Variants in RCBTB2 observed in about 807,000 individuals in gnomAD.
RCBTB2 encodes the protein RCC1 and BTB domain containing protein 2.
A neutral mutation model predicts 65.4 loss-of-function variants in RCBTB2; 55 were observed. The observed-to-expected ratio is 0.84, with a 90% CI of 0.68 to 1.05. RCBTB2 has a LOEUF of 1.05. Among genes scored for constraint, RCBTB2 ranks in the 50% least tolerant of loss-of-function variants. The pLI, the probability that RCBTB2 is intolerant of heterozygous loss-of-function variation, is 0.00. For missense variants in RCBTB2, 599 were observed against 680.1 expected (o/e 0.88, Z 1.33); for synonymous variants, 220 against 255.2 (o/e 0.86, Z 1.31).
At chr13:48,499,421 G>T (rs979049688) in intron 13 of RCBTB2, among the ~76,000 whole-genome samples, 200 bp downstream of exon 13, 2 of 152,168 alleles carry the variant, frequency 1.3e-5, no homozygotes, top group African/African-American at 2.4e-5. Flanking sequence ...CGGTGGTGAT[G>T]ATTTGATTCT....
intron 13 of RCBTB2, among the ~76,000 whole-genome samples, chr13:48,498,598 T>C (rs1246444066): frequency 1.3e-5 from 2 of 151,976 alleles, no homozygotes; most frequent in Non-Finnish European, 2.9e-5. Context: ...GGCGTGGTGG[T>C]GCATGCCTGT....
chr13:48,527,326 T>C (rs1951804596), intron 1 of RCBTB2, among the ~76,000 whole-genome samples: 1 of 132,118 alleles, frequency 7.6e-6, no homozygotes, highest in South Asian at 2.2e-4. Flanking sequence ...GGCTCATATA[T>C]ATATATATAT....
chr13:48,493,323 T>TCCACACACACACACACACACACACA (rs1566254878), intron 14 of RCBTB2, among the ~76,000 whole-genome samples: 10 of 121,306 alleles, frequency 8.2e-5, no homozygotes, highest in Non-Finnish European at 1.3e-4. Context: ...ACACTCTCTC[T>TCCACACACACACACACACACACACA]CTCTCTCTCT....
At chr13:48,504,009 T>A (rs1332141970) in intron 10 of RCBTB2, among the ~76,000 whole-genome samples, 1 of 152,226 alleles carries the variant, frequency 6.6e-6, no homozygotes, top group African/African-American at 2.4e-5. Context: ...GGTACCAGCA[T>A]CCTCAGAGAC....
intron 1 of RCBTB2, among the ~76,000 whole-genome samples, chr13:48,527,361 T>TATGA: frequency 8.9e-6 from 1 of 112,444 alleles, no homozygotes; most frequent in African/African-American, 5.5e-5. Flanking sequence ...TGATATATAT[T>TATGA]TATATATGAT....
chr13:48,531,868 G>GA (rs1952146744), intron 1 of RCBTB2: 1 of 152,174 alleles, frequency 6.6e-6, no homozygotes, highest in Non-Finnish European at 1.5e-5. Flanking sequence ...GTAGCCCCAG[G>GA]AGTCACGAAA....
At chr13:48,521,792 T>C (rs750307766) in intron 4 of RCBTB2, 106 bp downstream of exon 4, 26 of 1,007,874 alleles carry the variant, frequency 2.6e-5, no homozygotes, top group South Asian at 8.4e-5. Flanking sequence ...CCCTCAAAGA[T>C]AGATAGTATC....
chr13:48,516,698 A>G (rs9331987), intron 4 of RCBTB2, among the ~76,000 whole-genome samples: 32 of 152,212 alleles, frequency 2.1e-4, no homozygotes, highest in Non-Finnish European at 4.3e-4. Flanking sequence ...ACTTCAACAC[A>G]TAAATGTTGC....
upstream of RCBTB2, among the ~76,000 whole-genome samples, chr13:48,534,068 G>A (rs79553136): frequency 7.0e-3 from 1,068 of 152,304 alleles, 4 homozygotes; most frequent in Admixed American, 0.011. Flanking sequence ...ACATAGGGCA[G>A]ACATTTATCT....
Position 48,512,790 on chromosome 13 carries a change from T to C in RCBTB2, c.455A>G (p.Lys152Arg), listed in dbSNP as rs1022854862. ...CCCACAGGCAACTTCAATGACTTGT[T>C]TGTTTGACAGATTAGTAGAGATATG... is the stretch of plus-strand genomic sequence containing the variant. ...PCHISTNLSN[K>R]QVIEVACGSY... is the part of the protein sequence containing the mutation. The change falls in exon 7 of 15, where the codon AAA becomes AGA. Residue 152 changes from lysine to arginine, a missense_variant. Coordinates refer to ENST00000344532, the MANE Select transcript of RCBTB2 (RefSeq NM_001268.4). 1 of 1,614,108 alleles carries C rather than the reference T, an allele frequency of 6.2e-7. No individual in the cohort carries two copies. Among genetic ancestry groups the C allele is most frequent in the African/African-American group, 1.3e-5 (1 of 75,052 alleles).
At chr13:48,510,131 T>C (rs9332003) in intron 10 of RCBTB2, among the ~76,000 whole-genome samples, 3,152 of 152,286 alleles carry the variant, frequency 0.021, 117 homozygotes, top group African/African-American at 0.072. Context: ...TTCCTAACCA[T>C]TTTACTCTTC....
rs116579412 is a variant in RCBTB2 at position 48,491,015 on chromosome 13, G to T, written c.1516-764C>A. ...GCTTTTTGGCCCTGGAGAAGTGAGGGCAGGGTGCTGAGACCTCCAATATGC... is the reference window on the plus strand; with the variant it reads ...GCTTTTTGGCCCTGGAGAAGTGAGGTCAGGGTGCTGAGACCTCCAATATGC... On this transcript the variant is annotated intron_variant, in intron 14 of 14. Transcript: ENST00000344532. 3.8e-3 allele frequency among the ~76,000 whole-genome samples: 580 copies of T among 152,268 alleles called. 3 individuals carry two copies. Among genetic ancestry groups the T allele is most frequent in the African/African-American group, 0.013 (541 of 41,552 alleles).
At chr13:48,523,303 T>C (rs1038993219) in intron 2 of RCBTB2, among the ~76,000 whole-genome samples, 1 of 152,256 alleles carries the variant, frequency 6.6e-6, no homozygotes, top group Non-Finnish European at 1.5e-5. Flanking sequence ...GGCTGGGACC[T>C]CTTCTCTGTA....
intron 1 of RCBTB2, among the ~76,000 whole-genome samples, chr13:48,525,342 G>A (rs950735200): frequency 9.0e-6 from 1 of 110,758 alleles, no homozygotes; most frequent in Non-Finnish European, 1.8e-5. Flanking sequence ...TAAAACAAAC[G>A]ACACAATTCA....
intron 13 of RCBTB2, among the ~76,000 whole-genome samples, chr13:48,498,502 G>A (rs1009293898): frequency 1.3e-5 from 2 of 152,150 alleles, no homozygotes; most frequent in African/African-American, 4.8e-5. Context: ...AGGCCAAGAT[G>A]GGCGGATCAC....
intron 11 of RCBTB2, 145 bp downstream of exon 11, chr13:48,502,579 T>C: frequency 1.3e-6 from 1 of 755,044 alleles, no homozygotes; most frequent in Non-Finnish European, 2.0e-6. Flanking sequence ...CTGAAGAAAA[T>C]AAAATTAGTT....
At chr13:48,501,024 C>A (rs1436122761) in intron 12 of RCBTB2, among the ~76,000 whole-genome samples, 1 of 152,162 alleles carries the variant, frequency 6.6e-6, no homozygotes, top group Non-Finnish European at 1.5e-5. Context: ...AGAAGCCAAG[C>A]ACAAATGAAT....
At chr13:48,520,024 T>C (rs1264670906) in intron 4 of RCBTB2, among the ~76,000 whole-genome samples, 1 of 152,066 alleles carries the variant, frequency 6.6e-6, no homozygotes, top group Admixed American at 6.5e-5. Context: ...GGTTTTCAGA[T>C]TAAAGATACT....
In RCBTB2 at chr13:48,511,998, G is replaced by A. The variant is rs1195186325; in HGVS notation, c.675+18C>T. 1.2e-6 allele frequency: 2 copies of A among 1,610,764 alleles called. No homozygotes were observed. Among genetic ancestry groups the A allele is most frequent in the Non-Finnish European group, 1.7e-6 (2 of 1,177,262 alleles). ...GGCAAACACGGTTTTTAAACAAGAT[G>A]TAAAATAACTTCCTTACCTCCCCCG... On this transcript the variant is annotated intron_variant, in intron 8 of 14. Coordinates refer to ENST00000344532, the MANE Select transcript of RCBTB2 (RefSeq NM_001268.4).
Sources: gnomAD v4.1 joint callset for allele counts (sites outside exome capture counted in the v4.1 genomes callset) on GRCh38, gnomAD v4.1.1 for gene constraint, MANE v1.5 for transcripts, NCBI Gene and HGNC (gene_info 2026-07-23, HGNC 2026-07-21) for gene names.